MDM2: variants seen among roughly 807,000 people sequenced by gnomAD.
MDM2 encodes MDM2 proto-oncogene.
Under a neutral mutation model 64.3 loss-of-function variants are expected in MDM2, and 11 were observed. The ratio of observed to expected loss-of-function variants is 0.17; its 90% CI spans 0.11 to 0.28. MDM2 has a LOEUF of 0.28. MDM2 is among the 10% of genes least tolerant of loss of function. MDM2 has a pLI of 1.00. For synonymous variants in MDM2, 194 were observed against 192.9 expected (o/e 1.01, Z -0.05); for missense variants, 388 against 577.1 (o/e 0.67, Z 3.36).
At chr12:68,825,647 C>CT (rs1372725863) in intron 7 of MDM2, among the ~76,000 whole-genome samples, 3 of 148,204 alleles carry the variant, frequency 2.0e-5, no homozygotes, top group Non-Finnish European at 4.4e-5. Flanking sequence ...GTGAGACTGT[C>CT]TAAAAAAAAG....
downstream of MDM2, chr12:68,847,581 G>T (rs1281279361): frequency 6.8e-6 from 1 of 147,792 alleles, no homozygotes; most frequent in African/African-American, 2.5e-5. Flanking sequence ...AGCCTCCCGA[G>T]TAGCTGGGAC....
chr12:68,831,161 A>G (rs961266818), intron 8 of MDM2, among the ~76,000 whole-genome samples: 2 of 152,184 alleles, frequency 1.3e-5, no homozygotes, highest in African/African-American at 4.8e-5. Flanking sequence ...TGAATTAGAT[A>G]AAACGACACG....
intron 8 of MDM2, among the ~76,000 whole-genome samples, chr12:68,832,599 C>T (rs1882885412): frequency 6.6e-6 from 1 of 152,038 alleles, no homozygotes; most frequent in Admixed American, 6.6e-5. Flanking sequence ...GCAACCTCAA[C>T]CTCCTGGGTT....
In MDM2 at chr12:68,824,308, G is replaced by A. The variant is rs1244675057; in HGVS notation, c.359-55G>A. The A allele has an allele frequency of 6.6e-5, 83 of 1,251,588 alleles. No homozygotes were observed. The Middle Eastern group carries it at 1.1e-3, about 17-fold the overall frequency. The allele number at this position is 1,251,588 out of a possible 1,614,324, so 77.5% of individuals were successfully genotyped here. On this transcript the variant is annotated intron_variant, in intron 5 of 10. Coordinates refer to ENST00000258149, the MANE Select transcript of MDM2 (RefSeq NM_002392.6). Reference sequence around the variant, plus strand: ...ACTGATAGCATATCTACTGAGTAGCGCCCCGCCGCCCCCCGCCCACCACCA... The same window carrying A: ...ACTGATAGCATATCTACTGAGTAGCACCCCGCCGCCCCCCGCCCACCACCA...
chr12:68,822,862 T>G (rs939957183), intron 5 of MDM2, among the ~76,000 whole-genome samples: 1 of 152,002 alleles, frequency 6.6e-6, no homozygotes, highest in Non-Finnish European at 1.5e-5. Flanking sequence ...TTCCTCAGCC[T>G]CCCGAGTAGG....
At chr12:68,847,114 AATATATATATTATAT>A (rs1371104616), downstream of MDM2, 3 of 144,490 alleles carry the variant, frequency 2.1e-5, no homozygotes, top group African/African-American at 7.8e-5. Context: ...ATGCCTGGCT[AATATATATATTATAT>A]ATAATATACA....
downstream of MDM2, chr12:68,847,452 C>CTTTTTTTTTTTTTTTTTT (rs772905678): frequency 3.2e-4 from 28 of 88,692 alleles, 3 homozygotes; most frequent in African/African-American, 1.5e-3. Context: ...TATCTCCTTT[C>CTTTTTTTTTTTTTTTTTT]TTTTTTTTTT....
intron 8 of MDM2, among the ~76,000 whole-genome samples, chr12:68,831,296 T>C (rs193046736): frequency 3.5e-4 from 54 of 152,270 alleles, no homozygotes; most frequent in African/African-American, 1.3e-3. Flanking sequence ...GAGGAGACCT[T>C]ACATTCTGAC....
chr12:68,849,232 G>C (rs888233655), downstream of MDM2: 4 of 151,658 alleles, frequency 2.6e-5, no homozygotes, highest in Non-Finnish European at 5.9e-5. Flanking sequence ...TAGGATTACA[G>C]GGGTCCACCA....
At chr12:68,831,605 C>A (rs1375930966) in intron 8 of MDM2, among the ~76,000 whole-genome samples, 1 of 152,204 alleles carries the variant, frequency 6.6e-6, no homozygotes, top group Non-Finnish European at 1.5e-5. Context: ...AGAGCCAGGG[C>A]TTTTATGCTA....
At chr12:68,839,195 A>G (rs1352376698) in intron 10 of MDM2, 79 bp from the exon 11 acceptor site, 6 of 1,349,274 alleles carry the variant, frequency 4.4e-6, no homozygotes, top group Admixed American at 2.2e-5. Flanking sequence ...TACCTTAGAC[A>G]TAGCAAAGTT....
chr12:68,831,895 A>T (rs2589285), intron 8 of MDM2, among the ~76,000 whole-genome samples: 3 of 151,656 alleles, frequency 2.0e-5, no homozygotes, highest in African/African-American at 7.3e-5. Context: ...TGTTGTGAAA[A>T]CCCATCTCTA....
At chr12:68,845,630 G>C, downstream of MDM2, 1 of 177,008 alleles carries the variant, frequency 5.6e-6, no homozygotes, top group Non-Finnish European at 1.2e-5. Flanking sequence ...AAAAAAATTC[G>C]ATAGGCATTT....
intron 8 of MDM2, among the ~76,000 whole-genome samples, chr12:68,832,682 T>A (rs1423903146): frequency 7.7e-6 from 1 of 130,124 alleles, no homozygotes. Flanking sequence ...CTGGCTAATT[T>A]TTTTTACTTT....
Position 68,823,697 on chromosome 12 carries a change from G to A in MDM2, c.359-666G>A, listed in dbSNP as rs3730563. 6.0e-3 allele frequency among the ~76,000 whole-genome samples: 919 copies of A among 152,216 alleles called. 12 individuals are homozygous for A. The highest frequency in any genetic ancestry group is 0.021 in the African/African-American group (866 of 41,510). On this transcript the variant is annotated intron_variant, in intron 5 of 10. Coordinates refer to ENST00000258149, the MANE Select transcript of MDM2 (RefSeq NM_002392.6). The stretch of plus-strand genomic sequence containing the variant: ...CTCTTCTGCTTAAAATTACCATTTA[G>A]GGGTTCATTATTGCTCTCTGGATGT...
chr12:68,824,870 CTG>C (rs2136139343), intron 7 of MDM2: 3 of 494,814 alleles, frequency 6.1e-6, no homozygotes, highest in Non-Finnish European at 1.1e-5. Flanking sequence ...CTGTGCCCCA[CTG>C]GAGTTTATAG....
intron 4 of MDM2, among the ~76,000 whole-genome samples, chr12:68,819,805 C>A (rs1478250708): frequency 6.6e-6 from 1 of 152,132 alleles, no homozygotes; most frequent in Non-Finnish European, 1.5e-5. Flanking sequence ...TCTGTTAATA[C>A]GTTTTAAGAT....
In MDM2 at chr12:68,824,509, GGTTAT is replaced by G. The variant is rs1565738683; in HGVS notation, c.427-41_427-37del. ...GTTATTTACAACAAGTTAGCTTACT[GGTTAT>G]GTTAAGTTTGTTGTATTTTATTTTT... On this transcript the variant is annotated intron_variant, in intron 6 of 10. Coordinates refer to ENST00000258149, the MANE Select transcript of MDM2 (RefSeq NM_002392.6). 11 of 1,588,918 alleles carry G rather than the reference GGTTAT, an allele frequency of 6.9e-6. No homozygotes were observed. In the South Asian group the frequency reaches 1.1e-4, roughly 16 times the overall value.
Position 68,816,362 on chromosome 12 carries a change from C to CTTTTTTTTTT in MDM2, c.175-431_175-422dup, listed in dbSNP as rs62874563. On this transcript the variant is annotated intron_variant, in intron 3 of 10. Coordinates refer to ENST00000258149, the MANE Select transcript of MDM2 (RefSeq NM_002392.6). The stretch of plus-strand genomic sequence containing the variant: ...TTAAATGGAAAAGGCTTAAAAGTAG[C>CTTTTTTTTTT]TTTTTTTTTTTTTTTTTTTTTTTTT... 8.2e-5 allele frequency among the ~76,000 whole-genome samples: 5 copies of CTTTTTTTTTT among 61,084 alleles called. 1 individual carries two copies. Among genetic ancestry groups the CTTTTTTTTTT allele is most frequent in the African/African-American group, 3.4e-4 (5 of 14,906 alleles). The allele number at this position is 61,084 out of a possible 152,430, so 40.1% of individuals were successfully genotyped here.
Sources: allele counts gnomAD v4.1 joint callset (sites outside exome capture counted in the v4.1 genomes callset), GRCh38; gene constraint gnomAD v4.1.1; transcripts MANE v1.5; gene names NCBI Gene and HGNC (gene_info 2026-07-23, HGNC 2026-07-21).